Variants in IGSF21 observed in about 807,000 individuals in gnomAD.
IGSF21 encodes immunoglobulin superfamily member 21.
A neutral mutation model predicts 46.8 loss-of-function variants in IGSF21; 28 were observed. That is an observed-to-expected ratio of 0.60 (90% confidence interval 0.44 to 0.82). The LOEUF (loss-of-function observed/expected upper bound fraction) is 0.82, where lower values mean the gene tolerates loss of function less well. Ranked by LOEUF, IGSF21 falls within the 40% of genes least tolerant of loss-of-function variation. The pLI is 0.00. For missense variants in IGSF21, 624 were observed against 665.5 expected (o/e 0.94, Z 0.69); for synonymous variants, 284 against 273.6 (o/e 1.04, Z -0.38).
intron 2 of IGSF21, among the ~76,000 whole-genome samples, chr1:18,277,594 G>A (rs1189895630): frequency 3.3e-5 from 5 of 152,222 alleles, no homozygotes; most frequent in African/African-American, 1.2e-4. Flanking sequence ...TTAGCAGCTT[G>A]AAGCATAGCA....
In IGSF21 at chr1:18,109,441, C is replaced by T. The variant is rs1299847136; in HGVS notation, c.70+1243C>T. 1 of 152,216 alleles carries T rather than the reference C, an allele frequency of 6.6e-6. No individual in the cohort carries two copies. The highest frequency in any genetic ancestry group is 1.5e-5 in the Non-Finnish European group (1 of 68,092). The allele number at this position is 152,216 out of a possible 1,614,324, so 9.4% of individuals were successfully genotyped here. A position where few individuals can be genotyped will look rare whatever the true frequency, so the allele number is the denominator to read the frequency against. The stretch of plus-strand genomic sequence containing the variant: ...CACTGGATGATAGAGGTGGGCATCA[C>T]CTCTGTCCTATGCCATAGCCTTGTC... On this transcript the variant is annotated intron_variant, in intron 1 of 9. Coordinates refer to ENST00000251296, the MANE Select transcript of IGSF21 (RefSeq NM_032880.5). The surrounding 1 kb of genome is among the most constrained non-coding windows in gnomAD (Gnocchi z 4.8).
At chr1:18,203,556 G>A (rs780308547) in intron 1 of IGSF21, among the ~76,000 whole-genome samples, 5 of 152,186 alleles carry the variant, frequency 3.3e-5, no homozygotes, top group Non-Finnish European at 5.9e-5. Flanking sequence ...TGATCTGCCC[G>A]CCTCAGCTTC....
intron 6 of IGSF21, among the ~76,000 whole-genome samples, chr1:18,374,823 G>C (rs892857676): frequency 1.6e-4 from 24 of 152,138 alleles, no homozygotes; most frequent in African/African-American, 5.6e-4. Context: ...GGTAATCCCA[G>C]GGCAGCCCCA....
chr1:18,345,144 T>A (rs1038923159), intron 4 of IGSF21, among the ~76,000 whole-genome samples: 2 of 152,154 alleles, frequency 1.3e-5, no homozygotes, highest in Non-Finnish European at 2.9e-5. Flanking sequence ...CTGCCTGCAC[T>A]CCTTCTTACC....
intron 4 of IGSF21, among the ~76,000 whole-genome samples, chr1:18,347,840 C>T (rs946696592): frequency 4.6e-5 from 7 of 152,298 alleles, no homozygotes; most frequent in East Asian, 3.9e-4. Flanking sequence ...CTTGCTCTTT[C>T]GTTTCTCATG....
chr1:18,137,956 G>C (rs1285433080), intron 1 of IGSF21, among the ~76,000 whole-genome samples: 1 of 152,184 alleles, frequency 6.6e-6, no homozygotes, highest in East Asian at 1.9e-4. Context: ...CACACAGCAA[G>C]GGAGTAGCAG....
chr1:18,289,324 T>TC (rs1344782277), intron 2 of IGSF21, among the ~76,000 whole-genome samples: 2 of 152,124 alleles, frequency 1.3e-5, no homozygotes, highest in Non-Finnish European at 2.9e-5. Flanking sequence ...TCCTCACACC[T>TC]CCACTGAGAT....
rs2086215013 is a variant in IGSF21 at position 18,119,601 on chromosome 1, A to G, written c.70+11403A>G. Among the ~76,000 whole-genome samples the G allele has an allele frequency of 2.6e-5, 4 of 152,212 alleles. No individual in the cohort carries two copies. In the South Asian group the frequency reaches 8.3e-4, roughly 32 times the overall value. The stretch of plus-strand genomic sequence containing the variant: ...GGGTGGCTTTCTCTTTTCCTTTCTC[A>G]GATTGTCCTTCTGGCTGTGCCAAGG... On this transcript the variant is annotated intron_variant, in intron 1 of 9. Transcript: ENST00000251296.
intron 1 of IGSF21, among the ~76,000 whole-genome samples, chr1:18,213,319 A>G (rs544144312): frequency 3.3e-5 from 5 of 152,260 alleles, no homozygotes; most frequent in African/African-American, 1.2e-4. Context: ...AACAAACCAA[A>G]TTTCAGCAGC....
intron 2 of IGSF21, among the ~76,000 whole-genome samples, chr1:18,261,209 T>A (rs1416171756): frequency 6.6e-6 from 1 of 152,154 alleles, no homozygotes; most frequent in Non-Finnish European, 1.5e-5. Context: ...AGAGGACGCA[T>A]GGGAAGCCCT....
intron 2 of IGSF21, among the ~76,000 whole-genome samples, chr1:18,253,128 G>T (rs1313886021): frequency 2.0e-5 from 3 of 152,126 alleles, no homozygotes; most frequent in African/African-American, 7.2e-5. Flanking sequence ...ATAAATGAAT[G>T]TGTCCCTCTT....
chr1:18,137,297 G>C (rs1297833545), intron 1 of IGSF21, among the ~76,000 whole-genome samples: 1 of 152,160 alleles, frequency 6.6e-6, no homozygotes, highest in African/African-American at 2.4e-5. Context: ...TCATTCATGA[G>C]AAATCTGTCC....
intron 1 of IGSF21, among the ~76,000 whole-genome samples, chr1:18,124,358 C>T (rs2086258269): frequency 6.6e-6 from 1 of 152,346 alleles, no homozygotes; most frequent in South Asian, 2.1e-4. Flanking sequence ...GTGCATGCCA[C>T]TAGTATCCTC....
At chr1:18,187,932 A>G (rs2086919727) in intron 1 of IGSF21, among the ~76,000 whole-genome samples, 2 of 152,344 alleles carry the variant, frequency 1.3e-5, no homozygotes, top group African/African-American at 2.4e-5. Context: ...TAAATGAATG[A>G]ATGAATGAAC....
At chr1:18,122,185 CTTTCTTTCTTT>C (rs2086239481) in intron 1 of IGSF21, among the ~76,000 whole-genome samples, 3 of 95,442 alleles carry the variant, frequency 3.1e-5, no homozygotes. Context: ...TTTTTTCTTT[CTTTCTTTCTTT>C]TTTTTTTTTT....
intron 4 of IGSF21, among the ~76,000 whole-genome samples, chr1:18,352,120 C>G (rs1020647625): frequency 2.6e-5 from 4 of 152,170 alleles, no homozygotes; most frequent in African/African-American, 7.2e-5. Context: ...GCCAGGGAGG[C>G]TCCAGAGGGT....
At chr1:18,157,959 C>T (rs555221729) in intron 1 of IGSF21, among the ~76,000 whole-genome samples, 7 of 152,272 alleles carry the variant, frequency 4.6e-5, no homozygotes, top group Admixed American at 2.6e-4. Flanking sequence ...GTACACCTCC[C>T]GTCAGCCAGA....
At position 18,208,376 on chromosome 1, in the gene IGSF21, A is replaced by AATATATATAT. The variant is rs5772795; in HGVS notation, c.71-19511_71-19502dup. ...GGCAGTTCTCCTTCAGTTTAGGAATAATATATATATATATATATATTTTTT... is the reference window on the plus strand; with the variant it reads ...GGCAGTTCTCCTTCAGTTTAGGAATAATATATATATATATATATATATATATATATTTTTT... On this transcript the variant is annotated intron_variant, in intron 1 of 9. Coordinates refer to ENST00000251296, the MANE Select transcript of IGSF21 (RefSeq NM_032880.5). Among the ~76,000 whole-genome samples, 44 of 22,040 alleles carry AATATATATAT rather than the reference A, an allele frequency of 2.0e-3. 3 individuals carry two copies. Among genetic ancestry groups the AATATATATAT allele is most frequent in the African/African-American group, 5.2e-3 (30 of 5,722 alleles). The allele number at this position is 22,040 out of a possible 152,430, so 14.5% of individuals were successfully genotyped here.
intron 4 of IGSF21, among the ~76,000 whole-genome samples, chr1:18,350,730 A>G (rs2085943779): frequency 6.6e-6 from 1 of 152,132 alleles, no homozygotes; most frequent in Admixed American, 6.5e-5. Context: ...TCTCCCCTGG[A>G]AATTGCTTTA....
Sources: gnomAD v4.1 joint callset for allele counts (sites outside exome capture counted in the v4.1 genomes callset) on GRCh38, gnomAD v4.1.1 for gene constraint, Gnocchi (gnomAD v3.1) non-coding constraint, MANE v1.5 for transcripts, NCBI Gene and HGNC (gene_info 2026-07-23, HGNC 2026-07-21) for gene names.